PIK3C2A: variants seen among roughly 807,000 people sequenced by gnomAD.
The protein encoded by PIK3C2A is phosphatidylinositol-4-phosphate 3-kinase catalytic subunit type 2 alpha.
In PIK3C2A, 97 loss-of-function variants were observed where a neutral mutation model predicts 204.5. The ratio of observed to expected loss-of-function variants is 0.47; its 90% CI spans 0.40 to 0.56. The LOEUF (loss-of-function observed/expected upper bound fraction) is 0.56. Ranked by LOEUF, PIK3C2A falls within the 20% of genes least tolerant of loss-of-function variation. The pLI is 0.00. For missense variants in PIK3C2A, 1,735 were observed against 1,969.2 expected (o/e 0.88, Z 2.25); for synonymous variants, 653 against 664.4 (o/e 0.98, Z 0.26).
intron 30 of PIK3C2A, 140 bp from the exon 31 acceptor site, chr11:17,091,796 G>A (rs1442681287): frequency 1.5e-6 from 1 of 663,918 alleles, no homozygotes. Context: ...AACCTGATAG[G>A]TCATTGATTT....
intron 1 of PIK3C2A, among the ~76,000 whole-genome samples, chr11:17,182,126 T>C (rs1304480626): frequency 5.3e-5 from 8 of 151,850 alleles, no homozygotes; most frequent in Non-Finnish European, 1.2e-4. Context: ...TAGTAGTTAC[T>C]CACAAAGTTA....
At chr11:17,126,589 T>C (rs1849534435) in intron 13 of PIK3C2A, among the ~76,000 whole-genome samples, 2 of 152,170 alleles carry the variant, frequency 1.3e-5, no homozygotes, top group Admixed American at 1.3e-4. Context: ...TTATATACTG[T>C]TTCTCTACAT....
intron 18 of PIK3C2A, 47 bp downstream of exon 18, chr11:17,118,598 A>G: frequency 2.3e-6 from 2 of 859,416 alleles, no homozygotes; most frequent in Admixed American, 2.0e-5. Flanking sequence ...CCATTTCTAT[A>G]AATTCTAGGA....
At chr11:17,138,341 T>TA in intron 8 of PIK3C2A, 1 of 405,538 alleles carries the variant, frequency 2.5e-6, no homozygotes, top group Non-Finnish European at 4.6e-6. Flanking sequence ...TTTTTTTTTT[T>TA]AATTCAGTGT....
chr11:17,147,500 A>C lies in PIK3C2A; in HGVS notation c.1560+17T>G, dbSNP rs746339147. The C allele has an allele frequency of 7.8e-7, 1 of 1,288,416 alleles. No individual in the cohort carries two copies. Among genetic ancestry groups the C allele is most frequent in the Non-Finnish European group, 1.1e-6 (1 of 889,636 alleles). 79.8% of individuals were successfully genotyped at this position (1,288,416 alleles called of 1,614,324 possible). On this transcript the variant is annotated intron_variant, in intron 6 of 32. Coordinates refer to ENST00000691414, the MANE Select transcript of PIK3C2A (RefSeq NM_002645.4). ...AGATTCAAACAAATGGAATTCAGTT[A>C]TGAGGTACACACTTACTGTTCGGGC...
chr11:17,206,128 T>C (rs942133198), intron 1 of PIK3C2A, among the ~76,000 whole-genome samples: 2 of 152,036 alleles, frequency 1.3e-5, no homozygotes, highest in African/African-American at 4.8e-5. Flanking sequence ...AGAAAAAAAT[T>C]GTAAAACCTG....
chr11:17,126,377 G>A (rs989736206), intron 13 of PIK3C2A, among the ~76,000 whole-genome samples: 4 of 151,980 alleles, frequency 2.6e-5, no homozygotes, highest in Admixed American at 2.0e-4. Context: ...GCAACAGTGA[G>A]ACTCCATCTC....
At chr11:17,154,833 T>C (rs1365948747) in intron 3 of PIK3C2A, among the ~76,000 whole-genome samples, 2 of 152,214 alleles carry the variant, frequency 1.3e-5, no homozygotes, top group African/African-American at 4.8e-5. Flanking sequence ...CCATCCTTCC[T>C]CTATCTGCTA....
chr11:17,144,572 G>A (rs1378428298), intron 8 of PIK3C2A, among the ~76,000 whole-genome samples: 5 of 151,996 alleles, frequency 3.3e-5, no homozygotes, highest in African/African-American at 4.8e-5. Context: ...AGTTAGGTCC[G>A]AAAACAAGAC....
In PIK3C2A at chr11:17,168,740, T is replaced by C; in HGVS notation, c.1002A>G (p.Thr334=). The C allele has an allele frequency of 3.7e-6, 6 of 1,612,936 alleles. No individual in the cohort carries two copies. Among genetic ancestry groups the C allele is most frequent in the Non-Finnish European group, 4.2e-6 (5 of 1,179,490 alleles). ...NGKSLSVATV[T]RSQSLNIRTT... ...TTCGAATATTTAAAGACTGGCTTCT[T>C]GTAACAGTTGCCACAGAAAGGGATT... is the stretch of plus-strand genomic sequence containing the variant. The change falls in exon 2 of 33, where the codon ACA becomes ACG. Residue 334 remains threonine (T), a synonymous_variant. Transcript: ENST00000691414.
At chr11:17,146,743 T>C (rs1470868339) in intron 6 of PIK3C2A, among the ~76,000 whole-genome samples, 1 of 150,842 alleles carries the variant, frequency 6.6e-6, no homozygotes, top group Non-Finnish European at 1.5e-5. Context: ...AAAAAGAACA[T>C]CATTCCTTAA....
intron 1 of PIK3C2A, among the ~76,000 whole-genome samples, chr11:17,207,122 T>G (rs1339334226): frequency 6.6e-6 from 1 of 152,192 alleles, no homozygotes; most frequent in Non-Finnish European, 1.5e-5. Context: ...CTAGAGAATG[T>G]CGTTTTTAAA....
rs547748584 is a variant in PIK3C2A at position 17,169,917 on chromosome 11, T to C, written c.-65-111A>G. The C allele has an allele frequency of 7.1e-6, 4 of 564,014 alleles. No homozygotes were observed. The African/African-American group carries it at 7.5e-5, about 11-fold the overall frequency. 34.9% of individuals were successfully genotyped at this position (564,014 alleles called of 1,614,324 possible). ...CTTTAAGCCACTTAGAAAAATATACTACAAAATAAACAAAATAAAACAGAT... is the reference window on the plus strand; with the variant it reads ...CTTTAAGCCACTTAGAAAAATATACCACAAAATAAACAAAATAAAACAGAT... On this transcript the variant is annotated intron_variant, in intron 1 of 32. Coordinates refer to ENST00000691414, the MANE Select transcript of PIK3C2A (RefSeq NM_002645.4).
At chr11:17,130,878 A>G (rs1484234927) in intron 12 of PIK3C2A, among the ~76,000 whole-genome samples, 1 of 151,776 alleles carries the variant, frequency 6.6e-6, no homozygotes, top group Non-Finnish European at 1.5e-5. Context: ...ATCATCTTGT[A>G]CATGGATTTA....
chr11:17,182,485 C>T (rs1851598659), intron 1 of PIK3C2A, among the ~76,000 whole-genome samples: 2 of 150,012 alleles, frequency 1.3e-5, no homozygotes, highest in Admixed American at 1.3e-4. Context: ...AGGAGCATCA[C>T]TTGAGCCCAG....
intron 1 of PIK3C2A, among the ~76,000 whole-genome samples, chr11:17,179,203 G>A (rs553790628): frequency 1.2e-4 from 19 of 152,062 alleles, no homozygotes; most frequent in East Asian, 5.8e-4. Context: ...GCTCTGTTGC[G>A]CAGGCTGAAG....
chr11:17,185,102 G>C (rs1253483494), intron 1 of PIK3C2A, among the ~76,000 whole-genome samples: 2 of 151,964 alleles, frequency 1.3e-5, no homozygotes, highest in African/African-American at 4.8e-5. Context: ...GCAATTTCCA[G>C]TCCTGCAAGC....
intron 4 of PIK3C2A, among the ~76,000 whole-genome samples, chr11:17,149,240 T>C (rs1362258930): frequency 6.6e-6 from 1 of 152,144 alleles, no homozygotes; most frequent in Non-Finnish European, 1.5e-5. Context: ...ATTGTATGCC[T>C]GTATCAAAAC....
intron 14 of PIK3C2A, 40 bp from the exon 15 acceptor site, chr11:17,122,373 G>A (rs763600122): frequency 1.7e-5 from 22 of 1,305,358 alleles, no homozygotes; most frequent in South Asian, 1.0e-4. Context: ...TACAGTCTAC[G>A]TATTTGCCAC....
Sources: gnomAD v4.1 joint callset for allele counts (sites outside exome capture counted in the v4.1 genomes callset) on GRCh38, gnomAD v4.1.1 for gene constraint, MANE v1.5 for transcripts, NCBI Gene and HGNC (gene_info 2026-07-23, HGNC 2026-07-21) for gene names.